Variants in POLQ observed in about 807,000 individuals in gnomAD.
POLQ encodes the protein epididymis secretory sperm binding protein.
POLQ carries 233 observed loss-of-function variants against 259.2 expected under a neutral mutation model. The observed-to-expected ratio is 0.90, with a 90% CI of 0.81 to 1.00. The LOEUF (loss-of-function observed/expected upper bound fraction) is 1.00, where lower values mean the gene tolerates loss of function less well. POLQ is among the 50% of genes least tolerant of loss of function. The pLI is 0.00. For missense variants in POLQ, 2,871 were observed against 3,051.6 expected, an observed-to-expected ratio of 0.94 and a Z score of 1.39; for synonymous variants, 1,025 against 1,048.8, an observed-to-expected ratio of 0.98 and a Z score of 0.44.
intron 28 of POLQ, among the ~76,000 whole-genome samples, chr3:121,435,883 C>T (rs2047539297): frequency 6.6e-6 from 1 of 152,114 alleles, no homozygotes; most frequent in East Asian, 1.9e-4. Flanking sequence ...TTTGTAATTA[C>T]TTTAAATGTT....
At chr3:121,506,017 C>G (rs1288548772) in intron 12 of POLQ, among the ~76,000 whole-genome samples, 1 of 104,422 alleles carries the variant, frequency 9.6e-6, no homozygotes, top group Admixed American at 1.1e-4. Flanking sequence ...AGCGAAACTC[C>G]ATCTCAAAAA....
chr3:121,490,062 G>A lies in POLQ; in HGVS notation c.2869C>T (p.Gln957Ter), dbSNP rs768231484. Residue 957 changes from glutamine (Q) to a stop codon, truncating the protein, a stop_gained, in exon 16 of 30, where the codon CAA becomes TAA. Coordinates refer to ENST00000264233, the MANE Select transcript of POLQ (RefSeq NM_199420.4). LOFTEE classifies it high-confidence loss of function. ...TGCTCTCTACTTTTATTTAAGTCTT[G>A]CACTATATTTGGTGAATGCTTAATA... is the stretch of plus-strand genomic sequence containing the variant. ...SYIKHSPNIV[Q>*]DLNKSREHTS... 2.8e-5 allele frequency: 44 copies of A among 1,576,460 alleles called. No individual in the cohort carries two copies. The highest frequency in any genetic ancestry group is 3.3e-5 in the Non-Finnish European group (38 of 1,163,192).
chr3:121,463,869 A>G (rs1328140386), intron 24 of POLQ, among the ~76,000 whole-genome samples: 6 of 152,196 alleles, frequency 3.9e-5, no homozygotes, highest in African/African-American at 1.4e-4. Flanking sequence ...CAGACCATCA[A>G]AAGTGTTACA....
In POLQ at chr3:121,492,637, CT is replaced by C. The variant is rs1213332147; in HGVS notation, c.2522+840del. On this transcript the variant is annotated intron_variant, in intron 15 of 29. Transcript: ENST00000264233. ...ATTGATACCAAACTTTTGCTCAGTACTTTTTTTTTTTTTTTTGAGACACGAT... is the reference window on the plus strand; with the variant it reads ...ATTGATACCAAACTTTTGCTCAGTACTTTTTTTTTTTTTTTGAGACACGAT... Among the ~76,000 whole-genome samples, 1,323 of 140,122 alleles carry C rather than the reference CT, an allele frequency of 9.4e-3. 9 individuals are homozygous for C. The highest frequency in any genetic ancestry group is 0.022 in the African/African-American group (863 of 38,442). 91.9% of individuals were successfully genotyped at this position (140,122 alleles called of 152,430 possible).
At chr3:121,456,766 C>T (rs2047742481) in intron 25 of POLQ, among the ~76,000 whole-genome samples, 1 of 152,176 alleles carries the variant, frequency 6.6e-6, no homozygotes, top group Non-Finnish European at 1.5e-5. Context: ...ATTCCATGCT[C>T]ATAGGTAGGA....
At chr3:121,511,848 A>T in intron 10 of POLQ, 39 bp downstream of exon 10, 1 of 1,522,332 alleles carries the variant, frequency 6.6e-7, no homozygotes, top group South Asian at 1.2e-5. Context: ...TAATTTAGGC[A>T]TAAAAGAGCA....
chr3:121,484,961 T>A, intron 17 of POLQ, 80 bp downstream of exon 17: 1 of 1,107,560 alleles, frequency 9.0e-7, no homozygotes. Context: ...ATCAGGAAAT[T>A]ATTCTCAAAA....
chr3:121,476,608 T>C lies in POLQ; in HGVS notation c.6337A>G (p.Ile2113Val), dbSNP rs756799862. The change falls in exon 20 of 30, where the codon ATT becomes GTT. Residue 2113 changes from isoleucine (I) to valine (V), a missense_variant. Ile to Val is a conservative substitution (Grantham distance 29). Coordinates refer to ENST00000264233, the MANE Select transcript of POLQ (RefSeq NM_199420.4). ...GCTAGTTGATAGGCCTGGGTCTCAA[T>C]TGCATCCAGCTTGGCTTGCATTATA... ...KHIMQAKLDA[I>V]ETQAYQLAGH... 16 of 1,614,026 alleles carry C rather than the reference T, an allele frequency of 9.9e-6. No individual in the cohort carries two copies. The highest frequency in any genetic ancestry group is 3.3e-5 in the Admixed American group (2 of 59,986).
intron 27 of POLQ, among the ~76,000 whole-genome samples, chr3:121,438,580 T>C (rs1300220868): frequency 1.3e-5 from 2 of 152,204 alleles, no homozygotes; most frequent in Non-Finnish European, 2.9e-5. Context: ...CAGTTTGGCT[T>C]CTAGCCAGTC....
At chr3:121,466,849 A>G (rs1029206540) in intron 24 of POLQ, among the ~76,000 whole-genome samples, 3 of 152,206 alleles carry the variant, frequency 2.0e-5, no homozygotes, top group Non-Finnish European at 4.4e-5. Flanking sequence ...CCATTGGCAT[A>G]TAAGTTTCTG....
chr3:121,474,192 A>G (rs2047907296), intron 20 of POLQ, among the ~76,000 whole-genome samples: 1 of 152,186 alleles, frequency 6.6e-6, no homozygotes, highest in Non-Finnish European at 1.5e-5. Flanking sequence ...TTACATGGCT[A>G]TTGTCTCATT....
At chr3:121,491,346 CAAAAAAAAAAA>C (rs3045625) in intron 15 of POLQ, among the ~76,000 whole-genome samples, 9 of 77,974 alleles carry the variant, frequency 1.2e-4, no homozygotes, top group African/African-American at 4.0e-4. Flanking sequence ...GAGACTGTCA[CAAAAAAAAAAA>C]AAAAAAAAAA....
At chr3:121,458,706 C>T (rs1395684852) in intron 25 of POLQ, among the ~76,000 whole-genome samples, 1 of 152,158 alleles carries the variant, frequency 6.6e-6, no homozygotes, top group Admixed American at 6.5e-5. Context: ...AGTGTTGGTG[C>T]TAAACAGGTG....
chr3:121,490,452 C>T (rs749061068), intron 15 of POLQ, 44 bp from the exon 16 acceptor site: 12 of 1,461,168 alleles, frequency 8.2e-6, no homozygotes, highest in South Asian at 3.5e-5. Flanking sequence ...TTCATTCATT[C>T]GTAAGGCAAG....
Position 121,433,006 on chromosome 3 carries a change from C to G in POLQ, c.7571G>C (p.Gly2524Ala). ...TGLSRKRKLQ[G>A]MFCPIRGGFF... ...GCCTCCTCTGATTGGGCAGAACATC[C>G]CTTGCAGTTTTCTCTTTCGTGACAA... Residue 2524 changes from glycine to alanine, a missense_variant, in exon 29 of 30, where the codon GGG becomes GCG. This residue lies in a region of POLQ where 2,080 missense variants were observed against 2,126.0 expected (regional missense o/e 0.98). Coordinates refer to ENST00000264233, the MANE Select transcript of POLQ (RefSeq NM_199420.4). 1 of 1,610,866 alleles carries G rather than the reference C, an allele frequency of 6.2e-7. No individual in the cohort carries two copies. The highest frequency in any genetic ancestry group is 8.5e-7 in the Non-Finnish European group (1 of 1,177,132).
Position 121,456,350 on chromosome 3 carries a change from C to G in POLQ, c.7152+3700G>C, listed in dbSNP as rs2047737177. ...GACAGGGATGCCCTCTCTCACCACTCCTATTCAACATAGTGTTGGAAGATC... is the reference window on the plus strand; with the variant it reads ...GACAGGGATGCCCTCTCTCACCACTGCTATTCAACATAGTGTTGGAAGATC... On this transcript the variant is annotated intron_variant, in intron 25 of 29. Transcript: ENST00000264233. Among the ~76,000 whole-genome samples, 5 of 151,874 alleles carry G rather than the reference C, an allele frequency of 3.3e-5. No homozygotes were observed. The South Asian group carries it at 1.0e-3, about 32-fold the overall frequency.
rs1174783234 is a variant in POLQ at position 121,467,586 on chromosome 3, C to T, written c.6900G>A (p.Glu2300=). The change falls in exon 24 of 30, where the codon GAG becomes GAA. Residue 2300 remains glutamate (E), a synonymous_variant. Coordinates refer to ENST00000264233, the MANE Select transcript of POLQ (RefSeq NM_199420.4). The stretch of plus-strand genomic sequence containing the variant: ...GCATTCCTCTGTCTGCAGCTCTCTC[C>T]TCCATCTGTGCCTGGCATCTAGGAT... The part of the protein sequence containing the change: ...SVNPRCQAQM[E]ERAADRGMPF... 1.2e-6 allele frequency: 2 copies of T among 1,613,794 alleles called. No homozygotes were observed. Among genetic ancestry groups the T allele is most frequent in the African/African-American group, 2.7e-5 (2 of 74,934 alleles).
Position 121,472,144 on chromosome 3 carries a change from C to T in POLQ, c.6564G>A (p.Lys2188=). The change falls in exon 22 of 30, where the codon AAG becomes AAA. Residue 2188 remains lysine (K), a synonymous_variant. Coordinates refer to ENST00000264233, the MANE Select transcript of POLQ (RefSeq NM_199420.4). ...TCAAGCCTGGTAAAGGATGTAATGC[C>T]TTTAATTTATTTAAAACGTCCTGCC... The part of the protein sequence containing the change: ...STSKDVLNKL[K]ALHPLPGLIL... 6.7e-7 allele frequency: 1 copy of T among 1,495,888 alleles called. No individual in the cohort carries two copies. Among genetic ancestry groups the T allele is most frequent in the Non-Finnish European group, 9.1e-7 (1 of 1,101,632 alleles). The allele number at this position is 1,495,888 out of a possible 1,614,324, so 92.7% of individuals were successfully genotyped here. A position where few individuals can be genotyped will look rare whatever the true frequency, so the allele number is the denominator to read the frequency against.
intron 12 of POLQ, among the ~76,000 whole-genome samples, chr3:121,500,791 T>C (rs889017725): frequency 6.6e-6 from 1 of 151,910 alleles, no homozygotes; most frequent in East Asian, 1.9e-4. Context: ...ACATTAAAAC[T>C]GAAGAAAAAA....
Sources: gnomAD v4.1 joint callset for allele counts (sites outside exome capture counted in the v4.1 genomes callset) on GRCh38, gnomAD v4.1.1 for gene constraint, gnomAD v4.1.1 regional missense constraint, MANE v1.5 for transcripts, NCBI Gene and HGNC (gene_info 2026-07-23, HGNC 2026-07-21) for gene names.